Variants in DACH1 observed in about 807,000 individuals in gnomAD.
DACH1 encodes the protein dachshund family transcription factor 1, also known as dachshund homolog 1.
Under a neutral mutation model 54.2 loss-of-function variants are expected in DACH1, and 12 were observed. The ratio of observed to expected loss-of-function variants is 0.22; its 90% confidence interval spans 0.14 to 0.36. The LOEUF (loss-of-function observed/expected upper bound fraction) is 0.36, where lower values mean the gene tolerates loss of function less well. Ranked by LOEUF, DACH1 falls within the 10% of genes least tolerant of loss-of-function variation. The pLI, the probability that DACH1 is intolerant of heterozygous loss-of-function variation, is 1.00. For synonymous variants in DACH1, 386 were observed against 366.2 expected (o/e 1.05, Z -0.62); for missense variants, 805 against 929.8 (o/e 0.87, Z 1.75).
At chr13:71,495,644 C>T (rs1029847906) in intron 6 of DACH1, among the ~76,000 whole-genome samples, 2 of 151,580 alleles carry the variant, frequency 1.3e-5, no homozygotes, top group Non-Finnish European at 2.9e-5. Flanking sequence ...ATAAATTTTA[C>T]AGAAAGAAAA....
intron 1 of DACH1, among the ~76,000 whole-genome samples, chr13:71,819,787 A>C (rs763157008): frequency 3.3e-5 from 5 of 152,180 alleles, no homozygotes; most frequent in Non-Finnish European, 7.3e-5. Context: ...GTCCTTGTTC[A>C]AAAGAATTCA....
At position 71,494,230 on chromosome 13, in the gene DACH1, A is replaced by G. The variant is rs550129138; in HGVS notation, c.1571-5082T>C. The stretch of plus-strand genomic sequence containing the variant: ...TTGCAATTTTCAGTTTTACAGTAGT[A>G]TAAAACCACTGCAATTTTGATACTT... On this transcript the variant is annotated intron_variant, in intron 6 of 10. Transcript: ENST00000613252. Among the ~76,000 whole-genome samples the G allele has an allele frequency of 5.9e-5, 9 of 152,296 alleles. No homozygotes were observed. The East Asian group carries it at 1.5e-3, about 26-fold the overall frequency.
At chr13:71,597,529 C>T (rs1403659442) in intron 3 of DACH1, among the ~76,000 whole-genome samples, 1 of 152,156 alleles carries the variant, frequency 6.6e-6, no homozygotes, top group Non-Finnish European at 1.5e-5. Flanking sequence ...AAGTCCTCTA[C>T]TGAAACCCCT....
At chr13:71,754,905 C>A (rs1885080000) in intron 1 of DACH1, among the ~76,000 whole-genome samples, 2 of 152,134 alleles carry the variant, frequency 1.3e-5, no homozygotes, top group South Asian at 4.1e-4. Flanking sequence ...CCTTGGGTCA[C>A]ATCGCTTTTA....
chr13:71,811,392 A>G (rs1887702933), intron 1 of DACH1, among the ~76,000 whole-genome samples: 1 of 152,194 alleles, frequency 6.6e-6, no homozygotes, highest in Non-Finnish European at 1.5e-5. Context: ...ATGAAATAAA[A>G]TACTTTCTGA....
intron 3 of DACH1, among the ~76,000 whole-genome samples, chr13:71,613,008 C>T (rs770584508): frequency 1.1e-4 from 16 of 152,110 alleles, no homozygotes; most frequent in Admixed American, 3.3e-4. Flanking sequence ...TCAGGAAGGA[C>T]GATGGTTATG....
intron 1 of DACH1, among the ~76,000 whole-genome samples, chr13:71,703,708 T>C (rs1882280269): frequency 6.6e-6 from 1 of 152,196 alleles, no homozygotes; most frequent in Admixed American, 6.5e-5. Context: ...GTAAGGAAAC[T>C]GCATAGGACT....
chr13:71,562,406 G>T (rs1037742088), intron 4 of DACH1, among the ~76,000 whole-genome samples: 7 of 151,840 alleles, frequency 4.6e-5, no homozygotes, highest in African/African-American at 1.7e-4. Flanking sequence ...GAGATGGGAA[G>T]AGGAGAGAGA....
At chr13:71,807,130 G>C (rs1887534110) in intron 1 of DACH1, among the ~76,000 whole-genome samples, 1 of 152,116 alleles carries the variant, frequency 6.6e-6, no homozygotes, top group Admixed American at 6.6e-5. Flanking sequence ...TTGCAGAACA[G>C]AATGAACAAG....
rs79018821 is a variant in DACH1 at position 71,541,885 on chromosome 13, A to C, written c.1570+15139T>G. The stretch of plus-strand genomic sequence containing the variant: ...CTTTAGCTTGCTGTCCTTTTTAAAA[A>C]ATTATTGACATTTGTGGAAAAGTCA... On this transcript the variant is annotated intron_variant, in intron 6 of 10. Transcript: ENST00000613252. 2.4e-4 allele frequency among the ~76,000 whole-genome samples: 37 copies of C among 151,538 alleles called. No individual in the cohort carries two copies. The East Asian group carries it at 5.8e-3, about 24-fold the overall frequency.
intron 1 of DACH1, among the ~76,000 whole-genome samples, chr13:71,732,541 C>T (rs1220459278): frequency 2.7e-5 from 4 of 149,282 alleles, no homozygotes; most frequent in African/African-American, 7.4e-5. Context: ...GCTGAGACCA[C>T]GCCACTGCAC....
At chr13:71,663,106 C>G (rs1879615568) in intron 2 of DACH1, among the ~76,000 whole-genome samples, 1 of 149,368 alleles carries the variant, frequency 6.7e-6, no homozygotes, top group African/African-American at 2.5e-5. Flanking sequence ...TATTTAATGA[C>G]TATGAATATT....
intron 1 of DACH1, among the ~76,000 whole-genome samples, chr13:71,859,297 G>A (rs761723222): frequency 2.2e-4 from 33 of 151,630 alleles, no homozygotes; most frequent in Non-Finnish European, 3.2e-4. Flanking sequence ...GGGTGAATTC[G>A]AATGCTTTTC....
chr13:71,592,299 C>T (rs1197428949), intron 3 of DACH1, among the ~76,000 whole-genome samples: 1 of 151,478 alleles, frequency 6.6e-6, no homozygotes, highest in Non-Finnish European at 1.5e-5. Context: ...ATCACCTAAG[C>T]CCAGGAGTTC....
intron 6 of DACH1, among the ~76,000 whole-genome samples, chr13:71,530,241 T>G: frequency 6.6e-6 from 1 of 152,168 alleles, no homozygotes; most frequent in East Asian, 1.9e-4. Flanking sequence ...GAACCACAAA[T>G]AAGGCTCTCT....
intron 1 of DACH1, among the ~76,000 whole-genome samples, chr13:71,731,290 CTTT>C (rs1201969481): frequency 3.8e-5 from 5 of 131,052 alleles, no homozygotes; most frequent in East Asian, 2.2e-4. Flanking sequence ...TCTTGATCTT[CTTT>C]TTTTTTTTTT....
At chr13:71,813,783 G>A (rs949779902) in intron 1 of DACH1, among the ~76,000 whole-genome samples, 1 of 152,036 alleles carries the variant, frequency 6.6e-6, no homozygotes, top group Non-Finnish European at 1.5e-5. Context: ...ATAATGTAAA[G>A]TAACATGCAA....
chr13:71,443,992 G>T (rs975928433), intron 10 of DACH1, among the ~76,000 whole-genome samples: 26 of 152,064 alleles, frequency 1.7e-4, no homozygotes, highest in African/African-American at 2.4e-5. Flanking sequence ...GGGCTCACCT[G>T]TGGGACCAAA....
chr13:71,767,172 A>C (rs190639521), intron 1 of DACH1, among the ~76,000 whole-genome samples: 25 of 152,080 alleles, frequency 1.6e-4, no homozygotes, highest in Admixed American at 1.4e-3. Context: ...AATTAAGTTA[A>C]TATTAATTAT....
Sources: gnomAD v4.1 joint callset for allele counts (sites outside exome capture counted in the v4.1 genomes callset) on GRCh38, gnomAD v4.1.1 for gene constraint, MANE v1.5 for transcripts, NCBI Gene and HGNC (gene_info 2026-07-23, HGNC 2026-07-21) for gene names.